Variants in ZC3H13 observed in about 807,000 individuals in gnomAD.
ZC3H13 encodes zinc finger CCCH-type containing 13.
In ZC3H13, 64 loss-of-function variants were observed where a neutral mutation model predicts 204.1. The observed-to-expected ratio is 0.31, with a 90% confidence interval of 0.26 to 0.39. The LOEUF (loss-of-function observed/expected upper bound fraction) is 0.39, where lower values mean the gene tolerates loss of function less well. Among genes scored for constraint, ZC3H13 ranks in the 10% least tolerant of loss-of-function variants. The pLI, the probability that ZC3H13 is intolerant of heterozygous loss-of-function variation, is 1.00. For missense variants in ZC3H13, 1,833 were observed against 2,082.7 expected, an observed-to-expected ratio of 0.88 and a Z score of 2.33; for synonymous variants, 667 against 693.7, an observed-to-expected ratio of 0.96 and a Z score of 0.60.
At chr13:45,963,464 T>G in intron 17 of ZC3H13, 1 of 1,006,442 alleles carries the variant, frequency 9.9e-7, no homozygotes, top group Non-Finnish European at 1.2e-6. Flanking sequence ...CTCTGTCACC[T>G]AGGTTGGAGT....
chr13:46,034,429 T>C (rs1366352544), intron 4 of ZC3H13, among the ~76,000 whole-genome samples: 1 of 152,188 alleles, frequency 6.6e-6, no homozygotes, highest in East Asian at 1.9e-4. Flanking sequence ...GATATATCCA[T>C]CTAATAGAAC....
intron 5 of ZC3H13, among the ~76,000 whole-genome samples, chr13:46,016,941 T>C (rs2041947365): frequency 6.6e-6 from 1 of 152,102 alleles, no homozygotes; most frequent in Non-Finnish European, 1.5e-5. Context: ...TACATAAAAA[T>C]ATCTATCTGG....
At chr13:45,988,178 A>C (rs1451332746) in intron 9 of ZC3H13, among the ~76,000 whole-genome samples, 1 of 152,160 alleles carries the variant, frequency 6.6e-6, no homozygotes, top group African/African-American at 2.4e-5. Flanking sequence ...GTGATTGAAA[A>C]GGATGCTCTA....
At position 45,967,686 on chromosome 13, in the gene ZC3H13, T is replaced by G. The variant is rs754203073; in HGVS notation, c.4139A>C (p.Glu1380Ala). The change falls in exon 15 of 19, where the codon GAG becomes GCG. Residue 1380 changes from glutamate (E) to alanine (A), a missense_variant. Glu to Ala is a moderately radical substitution (Grantham distance 107). Transcript: ENST00000679008. ...TTTCACAGACTCTATTTGAGAACTC[T>G]CAAAAGTTCTGTCTCTGTCTCTGTC... ...DRDRDRDRTF[E>A]SSQIESVKRC... 6.2e-7 allele frequency: 1 copy of G among 1,614,100 alleles called. No homozygotes were observed. Among genetic ancestry groups the G allele is most frequent in the Non-Finnish European group, 8.5e-7 (1 of 1,179,994 alleles).
In ZC3H13 at chr13:45,970,531, T is replaced by C. The variant is rs74513653; in HGVS notation, c.2469-66A>G. The C allele has an allele frequency of 2.4e-4, 327 of 1,374,430 alleles. 5 individuals are homozygous for C. The East Asian group carries it at 7.1e-3, about 30-fold the overall frequency. The allele number at this position is 1,374,430 out of a possible 1,614,324, so 85.1% of individuals were successfully genotyped here. ...GGCAAAAAAAGAGATTTTTTTGTTT[T>C]TACTAGTATCTCTTTACTATAACTG... On this transcript the variant is annotated intron_variant, in intron 12 of 18. Coordinates refer to ENST00000679008, the MANE Select transcript of ZC3H13 (RefSeq NM_001330564.2).
intron 1 of ZC3H13, among the ~76,000 whole-genome samples, chr13:46,047,970 ATGAG>A (rs1397007425): frequency 6.6e-6 from 1 of 152,118 alleles, no homozygotes; most frequent in Admixed American, 6.6e-5. Context: ...GTCACTGGAA[ATGAG>A]TTAGTTCTGC....
chr13:46,049,241 C>A (rs1269764175), intron 1 of ZC3H13, among the ~76,000 whole-genome samples: 2 of 151,802 alleles, frequency 1.3e-5, no homozygotes, highest in East Asian at 1.9e-4. Context: ...TCTGAGTATG[C>A]GGTCTGGGTT....
chr13:46,017,244 TGGTCTGAG>T (rs2041965111), intron 5 of ZC3H13, among the ~76,000 whole-genome samples: 1 of 151,692 alleles, frequency 6.6e-6, no homozygotes. Context: ...TCTCAGAGAG[TGGTCTGAG>T]GATACCTAGG....
At chr13:46,041,050 C>A (rs918951600) in intron 4 of ZC3H13, among the ~76,000 whole-genome samples, 1 of 152,060 alleles carries the variant, frequency 6.6e-6, no homozygotes, top group Non-Finnish European at 1.5e-5. Flanking sequence ...ACACAGTTAC[C>A]GTAGAACTTG....
At chr13:46,027,440 C>G (rs887821454) in intron 4 of ZC3H13, among the ~76,000 whole-genome samples, 1 of 152,144 alleles carries the variant, frequency 6.6e-6, no homozygotes, top group Non-Finnish European at 1.5e-5. Flanking sequence ...TTACATAACT[C>G]TATGCAAACA....
intron 4 of ZC3H13, among the ~76,000 whole-genome samples, chr13:46,022,944 G>A (rs1238737484): frequency 1.3e-5 from 2 of 152,112 alleles, no homozygotes; most frequent in African/African-American, 4.8e-5. Context: ...TTTCAGAAAT[G>A]TAATACATGA....
intron 7 of ZC3H13, among the ~76,000 whole-genome samples, chr13:46,007,835 A>G (rs1040224919): frequency 4.6e-5 from 7 of 152,198 alleles, no homozygotes; most frequent in Admixed American, 2.6e-4. Flanking sequence ...CTTCAAAACT[A>G]TTGTTTTAGA....
chr13:45,989,778 C>G (rs1286474141), intron 8 of ZC3H13, among the ~76,000 whole-genome samples: 1 of 136,378 alleles, frequency 7.3e-6, no homozygotes, highest in Non-Finnish European at 1.6e-5. Flanking sequence ...AACACATAAC[C>G]TCATGAAACA....
chr13:45,982,019 AAT>A (rs1953675951), intron 10 of ZC3H13, among the ~76,000 whole-genome samples: 1 of 150,694 alleles, frequency 6.6e-6, no homozygotes, highest in Non-Finnish European at 1.5e-5. Context: ...AAAGTATAAT[AAT>A]AATAAAATAA....
intron 6 of ZC3H13, 66 bp downstream of exon 6, chr13:46,011,349 G>C (rs1260945148): frequency 2.8e-6 from 4 of 1,429,042 alleles, no homozygotes; most frequent in Non-Finnish European, 3.7e-6. Context: ...GCAAGAAGCT[G>C]AGTTATCTGA....
intron 9 of ZC3H13, among the ~76,000 whole-genome samples, chr13:45,988,459 A>C (rs1322153902): frequency 6.6e-6 from 1 of 152,064 alleles, no homozygotes; most frequent in Non-Finnish European, 1.5e-5. Context: ...GGGTCTCACC[A>C]TATTAGCCAG....
chr13:46,034,818 C>T (rs959560384), intron 4 of ZC3H13, among the ~76,000 whole-genome samples: 2 of 151,818 alleles, frequency 1.3e-5, no homozygotes. Flanking sequence ...GACATCTGGG[C>T]ATAAAAATAC....
chr13:45,989,477 G>C (rs2138273058), intron 8 of ZC3H13, among the ~76,000 whole-genome samples: 1 of 152,314 alleles, frequency 6.6e-6, no homozygotes, highest in African/African-American at 2.4e-5. Flanking sequence ...ATACTACTGA[G>C]ATCTAGAGAG....
chr13:45,984,220 C>A (rs1029574467), intron 10 of ZC3H13, among the ~76,000 whole-genome samples: 8 of 152,010 alleles, frequency 5.3e-5, no homozygotes, highest in African/African-American at 1.9e-4. Context: ...TTTTGTAAAA[C>A]CAGAGGGGAA....
Sources: gnomAD v4.1 joint callset for allele counts (sites outside exome capture counted in the v4.1 genomes callset) on GRCh38, gnomAD v4.1.1 for gene constraint, MANE v1.5 for transcripts, NCBI Gene and HGNC (gene_info 2026-07-23, HGNC 2026-07-21) for gene names.